TTN: variants seen among roughly 807,000 people sequenced by gnomAD.
TTN encodes titin.
Under a neutral mutation model 3,223.0 loss-of-function variants are expected in TTN, and 1,525 were observed. The observed-to-expected ratio is 0.47, with a 90% CI of 0.45 to 0.49. The LOEUF (loss-of-function observed/expected upper bound fraction) is 0.49. Ranked by LOEUF, TTN falls within the 20% of genes least tolerant of loss-of-function variation. The pLI is 0.00. For missense variants in TTN, 40,786 were observed against 43,424.0 expected (o/e 0.94, Z 5.40); for synonymous variants, 14,094 against 15,161.0 (o/e 0.93, Z 5.17).
Position 178,562,133 on chromosome 2 carries a change from C to A in TTN, c.83999G>T (p.Gly28000Val), listed in dbSNP as rs374151070. The change falls in exon 326 of 363, where the codon GGT becomes GTT. Residue 28000 changes from glycine (G) to valine (V), a missense_variant. Physicochemically the swap from Gly to Val is moderately radical, Grantham distance 109 (BLOSUM62 -3). Transcript: ENST00000589042. Reference protein sequence around the residue: ...PQATVNWRKDGQTLKETTRVN... With the variant: ...PQATVNWRKDVQTLKETTRVN... ...TCTAGTTGTCTCTTTAAGAGTCTGA[C>A]CATCTTTTCTCCAGTTCACAGTAGC... 6.2e-7 allele frequency: 1 copy of A among 1,613,100 alleles called. No individual in the cohort carries two copies. Among genetic ancestry groups the A allele is most frequent in the African/African-American group, 1.3e-5 (1 of 74,900 alleles).
rs368199297 is a variant in TTN, at chr2:178,704,142, C to G, written c.30223+5G>C. ...CCCACAAGGACTCCATAGTGTTTCA[C>G]GCACCTTCGATTCTGAGTTCTGCTG... On this transcript the variant is annotated splice_donor_5th_base_variant and intron_variant, in intron 106 of 362. Coordinates refer to ENST00000589042, the MANE Select transcript of TTN (RefSeq NM_001267550.2). The G allele has an allele frequency of 1.2e-6, 2 of 1,613,096 alleles. No homozygotes were observed. The highest frequency in any genetic ancestry group is 2.2e-5 in the South Asian group (2 of 91,004).
At position 178,530,766 on chromosome 2, in the gene TTN, A is replaced by G. The variant is rs1344897936; in HGVS notation, c.105849T>C (p.Ser35283=). 3 of 1,613,864 alleles carry G rather than the reference A, an allele frequency of 1.9e-6. No homozygotes were observed. The Admixed American group carries it at 5.0e-5, about 27-fold the overall frequency. The change falls in exon 358 of 363, where the codon TCT becomes TCC. Residue 35283 remains serine, a synonymous_variant. Coordinates refer to ENST00000589042, the MANE Select transcript of TTN (RefSeq NM_001267550.2). Reference sequence around the variant, plus strand: ...GGAACTGAGTAATCTTTGGTGGGGCAGAGACTGGGAGGTGCTGAACTTTCT... The same window carrying G: ...GGAACTGAGTAATCTTTGGTGGGGCGGAGACTGGGAGGTGCTGAACTTTCT... ...PTEKVQHLPV[S]APPKITQFLK...
At position 178,590,460 on chromosome 2, in the gene TTN, T is replaced by C; in HGVS notation, c.61265A>G (p.Asn20422Ser). The C allele has an allele frequency of 6.2e-7, 1 of 1,613,118 alleles. No individual in the cohort carries two copies. The highest frequency in any genetic ancestry group is 8.5e-7 in the Non-Finnish European group (1 of 1,179,410). The change falls in exon 304 of 363, where the codon AAT becomes AGT. Residue 20422 changes from asparagine (N) to serine (S), a missense_variant. Transcript: ENST00000589042. ...KPGTAQWNRI[N>S]KDELIRQCAF... ...ACATTGCCTAATGAGTTCATCTTTA[T>C]TAATCCTGTTCCATTGTGCTGTGCC...
chr2:178,667,195 T>C, intron 162 of TTN, 41 bp downstream of exon 162: 1 of 1,482,410 alleles, frequency 6.7e-7, no homozygotes, highest in Non-Finnish European at 9.2e-7. Context: ...CTGAAGACAG[T>C]ATATTTTCTT....
Position 178,795,023 on chromosome 2 carries a change from C to T in TTN, c.1144G>A (p.Val382Ile). The T allele has an allele frequency of 1.2e-6, 2 of 1,612,186 alleles. No individual in the cohort carries two copies. The highest frequency in any genetic ancestry group is 1.7e-6 in the Non-Finnish European group (2 of 1,180,008). ...TEERWEGRYG[V>I]QEQVTISGAA... ...CCACTGATGGTCACTTGCTCCTGGA[C>T]ACCGTATCTCCCTTCCCATCTCTCT... The change falls in exon 7 of 363, where the codon GTC (valine) becomes ATC (isoleucine). Residue 382 changes from valine (V) to isoleucine (I), a missense_variant. Coordinates refer to ENST00000589042, the MANE Select transcript of TTN (RefSeq NM_001267550.2).
intron 113 of TTN, 61 bp downstream of exon 113, chr2:178,697,060 T>C (rs2073871430): frequency 2.2e-6 from 3 of 1,367,962 alleles, no homozygotes; most frequent in Non-Finnish European, 3.0e-6. Context: ...AAAATAAGAA[T>C]AGTTAGCAGA....
chr2:178,788,940 T>C (rs559366419), intron 13 of TTN, among the ~76,000 whole-genome samples: 1 of 152,120 alleles, frequency 6.6e-6, no homozygotes, highest in Non-Finnish European at 1.5e-5. Context: ...AAATAAGTCA[T>C]ACTCCATAAC....
chr2:178,691,012 G>C (rs989855997), intron 121 of TTN, among the ~76,000 whole-genome samples: 1 of 152,088 alleles, frequency 6.6e-6, no homozygotes, highest in East Asian at 1.9e-4. Context: ...TATCTAAGAC[G>C]ATCTGTCTCA....
chr2:178,711,550 C>T (rs1337054480), intron 96 of TTN, among the ~76,000 whole-genome samples: 1 of 152,150 alleles, frequency 6.6e-6, no homozygotes, highest in Admixed American at 6.6e-5. Context: ...CCCTAATGCA[C>T]AGTAGGTGCA....
rs1041074010 is a variant in TTN at position 178,715,110 on chromosome 2, C to T, written c.26076G>A (p.Met8692Ile). The change falls in exon 90 of 363, where the codon ATG becomes ATA. Residue 8692 changes from methionine (M) to isoleucine (I), a missense_variant. Coordinates refer to ENST00000589042, the MANE Select transcript of TTN (RefSeq NM_001267550.2). ...ELRSGKKYKI[M>I]SENFLTSIHI... is the part of the protein sequence containing the mutation. ...GGATACTGGTTAGGAAGTTCTCAGA[C>T]ATTATCTTGTACTTCTTGCCGCTCC... 1.1e-5 allele frequency: 17 copies of T among 1,613,732 alleles called. No individual in the cohort carries two copies. Among genetic ancestry groups the T allele is most frequent in the Non-Finnish European group, 1.4e-5 (17 of 1,179,714 alleles).
At chr2:178,783,922 C>T (rs2092981037) in intron 16 of TTN, 137 bp from the exon 17 acceptor site, 4 of 1,285,688 alleles carry the variant, frequency 3.1e-6, no homozygotes, top group East Asian at 4.8e-5. Context: ...TGATCTCTGA[C>T]CCATACTATG....
At chr2:178,763,451 T>G (rs912092932) in intron 43 of TTN, among the ~76,000 whole-genome samples, 2 of 152,220 alleles carry the variant, frequency 1.3e-5, no homozygotes, top group South Asian at 4.1e-4. Flanking sequence ...ACTTATGGAG[T>G]ATCTACTATG....
intron 1 of TTN, among the ~76,000 whole-genome samples, chr2:178,805,239 G>A (rs1009839582): frequency 1.3e-5 from 2 of 151,420 alleles, no homozygotes; most frequent in African/African-American, 4.9e-5. Context: ...AGCTACTTGG[G>A]AGGCTGAGGC....
At chr2:178,609,041 T>C (rs2055636539) in intron 273 of TTN, 133 bp from the exon 274 acceptor site, 3 of 1,309,120 alleles carry the variant, frequency 2.3e-6, no homozygotes, top group East Asian at 2.4e-5. Flanking sequence ...CATTAGCTAA[T>C]AAATAACAAG....
At chr2:178,680,162 T>C in intron 139 of TTN, 92 bp downstream of exon 139, 1 of 1,581,470 alleles carries the variant, frequency 6.3e-7, no homozygotes, top group East Asian at 2.2e-5. Flanking sequence ...CAAGATTTAC[T>C]TTTCCCACAA....
At chr2:178,633,788 G>A in intron 231 of TTN, 29 bp downstream of exon 231, 1 of 1,609,672 alleles carries the variant, frequency 6.2e-7, no homozygotes, top group Non-Finnish European at 8.5e-7. Flanking sequence ...TCAGAAACTG[G>A]CTATCTGGTT....
At chr2:178,768,550 C>A in intron 38 of TTN, 123 bp downstream of exon 38, 1 of 1,403,672 alleles carries the variant, frequency 7.1e-7, no homozygotes, top group Non-Finnish European at 9.7e-7. Context: ...CTTTTTATTG[C>A]TGAATGATAT....
chr2:178,776,430 C>T lies in TTN; in HGVS notation c.5434G>A (p.Gly1812Ser), dbSNP rs756960119. 2.5e-6 allele frequency: 4 copies of T among 1,610,046 alleles called. No homozygotes were observed. The highest frequency in any genetic ancestry group is 3.3e-5 in the Admixed American group (2 of 59,998). Residue 1812 changes from glycine (G) to serine (S), a missense_variant, in exon 28 of 363, where the codon GGC (glycine) becomes AGC (serine). Transcript: ENST00000589042. ...TCTAATTCTTCAATTCTCTGTAAGC[C>T]TTTCCTCCCCTCAGGCAATTGGGAT... Reference protein sequence around the residue: ...EESQLPEGRKGLQRIEELERM... With the variant: ...EESQLPEGRKSLQRIEELERM...
Position 178,593,597 on chromosome 2 carries a change from G to C in TTN, c.58703C>G (p.Ser19568Cys), listed in dbSNP as rs1465396608. ...NLYGISDPLV[S>C]DSMKAKDRFR... ...ACGATCTTTGGCTTTCATTGAATCA[G>C]ACACCAGAGGATCACTTATTCCATA... Residue 19568 changes from serine (S) to cysteine (C), a missense_variant, in exon 298 of 363, where the codon TCT becomes TGT. Transcript: ENST00000589042. The C allele has an allele frequency of 6.2e-7, 1 of 1,612,586 alleles. No individual in the cohort carries two copies. Among genetic ancestry groups the C allele is most frequent in the South Asian group, 1.1e-5 (1 of 90,882 alleles).
Sources: allele counts gnomAD v4.1 joint callset (sites outside exome capture counted in the v4.1 genomes callset), GRCh38; gene constraint gnomAD v4.1.1; transcripts MANE v1.5; gene names NCBI Gene and HGNC (gene_info 2026-07-23, HGNC 2026-07-21).